Variants in PIGN observed in about 807,000 individuals in gnomAD.
PIGN encodes GPI ethanolamine phosphate transferase 1.
In PIGN, 117 loss-of-function variants were observed where a neutral mutation model predicts 125.4. The observed-to-expected ratio is 0.93, with a 90% CI of 0.80 to 1.09. The LOEUF is 1.09. Among genes scored for constraint, PIGN ranks in the 50% least tolerant of loss-of-function variants. The probability of loss-of-function intolerance (pLI) is 0.00; values close to 1 mark genes in which losing one functional copy is unlikely to be tolerated. For missense variants in PIGN, 1,075 were observed against 1,094.9 expected (o/e 0.98, Z 0.26); for synonymous variants, 392 against 377.8 (o/e 1.04, Z -0.44).
intron 22 of PIGN, among the ~76,000 whole-genome samples, chr18:62,096,221 G>A (rs1011276034): frequency 1.3e-5 from 2 of 151,982 alleles, no homozygotes; most frequent in African/African-American, 4.8e-5. Context: ...CTTGAACCCG[G>A]GAGGCAGAGG....
intron 14 of PIGN, among the ~76,000 whole-genome samples, chr18:62,125,467 G>T (rs552286645): frequency 1.4e-4 from 22 of 151,906 alleles, no homozygotes; most frequent in African/African-American, 4.3e-4. Flanking sequence ...CCATTTTTTT[G>T]ATTATAAGCA....
At chr18:62,141,000 T>A (rs895913586) in intron 11 of PIGN, among the ~76,000 whole-genome samples, 7 of 151,724 alleles carry the variant, frequency 4.6e-5, no homozygotes, top group Non-Finnish European at 7.4e-5. Context: ...CTCGGAAGAG[T>A]TGTTCATGCT....
intron 7 of PIGN, chr18:62,153,443 A>G (rs1395171146): frequency 6.6e-6 from 1 of 152,222 alleles, no homozygotes; most frequent in Non-Finnish European, 1.5e-5. Flanking sequence ...CAGGCCAGCT[A>G]CCAGCTATGT....
intron 24 of PIGN, among the ~76,000 whole-genome samples, chr18:62,089,748 C>T (rs2146071398): frequency 6.6e-6 from 1 of 152,214 alleles, no homozygotes; most frequent in Middle Eastern, 3.4e-3. Context: ...ACAAACTCAA[C>T]TGGAGCCATA....
At chr18:62,084,439 CT>C in intron 27 of PIGN, 91 bp downstream of exon 27, 1 of 783,780 alleles carries the variant, frequency 1.3e-6, no homozygotes, top group Non-Finnish European at 2.0e-6. Flanking sequence ...GAAAGGATAT[CT>C]TCTTTCCATT....
chr18:62,146,427 C>A (rs946955986), intron 9 of PIGN, among the ~76,000 whole-genome samples: 1 of 152,196 alleles, frequency 6.6e-6, no homozygotes, highest in Non-Finnish European at 1.5e-5. Flanking sequence ...GAGAAGATGG[C>A]AAGGTCTCTG....
At chr18:62,072,571 G>T in intron 30 of PIGN, 102 bp downstream of exon 30, 1 of 897,848 alleles carries the variant, frequency 1.1e-6, no homozygotes, top group Non-Finnish European at 1.8e-6. Flanking sequence ...AGGTTTGTGT[G>T]AATATACTCT....
At chr18:62,140,542 T>C in intron 11 of PIGN, 63 bp from the exon 12 acceptor site, 1 of 772,432 alleles carries the variant, frequency 1.3e-6, no homozygotes, top group Non-Finnish European at 2.2e-6. Flanking sequence ...TTAAATAATG[T>C]AATGCAACCA....
At chr18:62,078,684 T>G (rs1333616571) in intron 28 of PIGN, among the ~76,000 whole-genome samples, 2 of 152,256 alleles carry the variant, frequency 1.3e-5, no homozygotes, top group Non-Finnish European at 2.9e-5. Context: ...TTTATTGAAG[T>G]CAGGTTAGTT....
At position 62,102,872 on chromosome 18, in the gene PIGN, T is replaced by A. The variant is rs1160145976; in HGVS notation, c.1890A>T (p.Leu630Phe). The A allele has an allele frequency of 6.3e-7, 1 of 1,586,454 alleles. No individual in the cohort carries two copies. The highest frequency in any genetic ancestry group is 2.3e-5 in the East Asian group (1 of 43,994). The change falls in exon 21 of 31, where the codon TTA (leucine) becomes TTT (phenylalanine). Residue 630 changes from leucine (L) to phenylalanine (F), a missense_variant. By Grantham distance (22) the Leu-to-Phe change is conservative (BLOSUM62 0). This residue lies in a region of PIGN where 915 missense variants were observed against 908.7 expected (regional missense o/e 1.01). Coordinates refer to ENST00000640252, the MANE Select transcript of PIGN (RefSeq NM_176787.5). ...VMGAGLLVLL[L>F]SLCVVTSLMK... ...TGAGAGATGTTACAACACACAGGGA[T>A]AACAGAAGAACCAGCAAGCCTGCAC...
At chr18:62,169,843 G>A (rs1264573645) in intron 1 of PIGN, among the ~76,000 whole-genome samples, 16 of 151,166 alleles carry the variant, frequency 1.1e-4, no homozygotes, top group African/African-American at 3.6e-4. Flanking sequence ...GGCTGGTCTC[G>A]AACTCCTGGG....
downstream of PIGN, among the ~76,000 whole-genome samples, chr18:62,036,858 C>T (rs552830872): frequency 7.2e-5 from 11 of 152,280 alleles, no homozygotes; most frequent in Non-Finnish European, 8.8e-5. Context: ...ACCTGGGACA[C>T]GTGAGGGATT....
intron 1 of PIGN, among the ~76,000 whole-genome samples, chr18:62,175,297 A>G (rs1396207782): frequency 6.6e-6 from 1 of 151,742 alleles, no homozygotes; most frequent in Non-Finnish European, 1.5e-5. Context: ...CTTCATCTAA[A>G]GTAATTACAT....
intron 6 of PIGN, among the ~76,000 whole-genome samples, chr18:62,155,226 TA>T (rs1481099955): frequency 3.9e-5 from 6 of 152,194 alleles, no homozygotes; most frequent in Non-Finnish European, 7.4e-5. Context: ...ATTAAGAATC[TA>T]AACAGTTTAG....
intron 14 of PIGN, among the ~76,000 whole-genome samples, chr18:62,125,145 T>TGC (rs1188607755): frequency 1.9e-5 from 1 of 51,676 alleles, no homozygotes; most frequent in African/African-American, 6.4e-5. Flanking sequence ...TTTGTACATA[T>TGC]GTGTATATAC....
chr18:62,024,229 T>C (rs973428172), intron 23 of PIGN, among the ~76,000 whole-genome samples: 1 of 152,218 alleles, frequency 6.6e-6, no homozygotes, highest in Non-Finnish European at 1.5e-5. Context: ...AAGTCCACCA[T>C]TGAAATACTT....
At position 62,186,920 on chromosome 18, in the gene PIGN, A is replaced by G. The variant is rs1456985191; in HGVS notation, c.-312T>C. 6.6e-6 allele frequency: 1 copy of G among 152,230 alleles called. No individual in the cohort carries two copies. The highest frequency in any genetic ancestry group is 1.5e-5 in the Non-Finnish European group (1 of 68,094). The allele number at this position is 152,230 out of a possible 1,614,324, so 9.4% of individuals were successfully genotyped here. On this transcript the variant is annotated 5_prime_UTR_variant, in exon 1 of 31. Transcript: ENST00000640252. The stretch of plus-strand genomic sequence containing the variant: ...CGAAGGCAGGACCCAGCTCCATTAA[A>G]GCTCTCGGGCAGTGGTCCCCTCTAC...
intron 14 of PIGN, among the ~76,000 whole-genome samples, chr18:62,127,967 T>A (rs914055916): frequency 1.3e-5 from 2 of 152,106 alleles, no homozygotes; most frequent in South Asian, 4.1e-4. Flanking sequence ...AGAAAATGCA[T>A]GGGAAACTAC....
intron 23 of PIGN, among the ~76,000 whole-genome samples, chr18:62,092,921 C>T (rs2034027991): frequency 6.6e-6 from 1 of 152,086 alleles, no homozygotes; most frequent in Non-Finnish European, 1.5e-5. Context: ...TCATTTCATA[C>T]AATTCACAAC....
Sources: allele counts gnomAD v4.1 joint callset (sites outside exome capture counted in the v4.1 genomes callset), GRCh38; gene constraint gnomAD v4.1.1; regional missense constraint gnomAD v4.1.1; transcripts MANE v1.5; gene names NCBI Gene and HGNC (gene_info 2026-07-23, HGNC 2026-07-21).